ANP32B: variants seen among roughly 807,000 people sequenced by gnomAD.
ANP32B encodes acidic nuclear phosphoprotein 32 family member B, also known as acidic leucine-rich nuclear phosphoprotein 32 family member B.
Under a neutral mutation model 32.2 loss-of-function variants are expected in ANP32B, and 6 were observed. The ratio of observed to expected loss-of-function variants is 0.19; its 90% CI spans 0.10 to 0.37. The LOEUF (loss-of-function observed/expected upper bound fraction) is 0.37, where lower values mean the gene tolerates loss of function less well. ANP32B is among the 10% of genes least tolerant of loss of function. The pLI, the probability that ANP32B is intolerant of heterozygous loss-of-function variation, is 1.00. For synonymous variants in ANP32B, 98 were observed against 105.8 expected, an observed-to-expected ratio of 0.93 and a Z score of 0.45; for missense variants, 204 against 289.2, an observed-to-expected ratio of 0.71 and a Z score of 2.14.
At chr9:97,997,461 G>C (rs1411702667) in intron 2 of ANP32B, among the ~76,000 whole-genome samples, 2 of 152,068 alleles carry the variant, frequency 1.3e-5, no homozygotes, top group African/African-American at 4.8e-5. Context: ...TGCTATTCTA[G>C]GTACGTAGCA....
At chr9:97,995,930 T>TAAA (rs570340593) in intron 2 of ANP32B, among the ~76,000 whole-genome samples, 2 of 116,658 alleles carry the variant, frequency 1.7e-5, no homozygotes, top group South Asian at 2.7e-4. Context: ...TGTCTCGATT[T>TAAA]AAAAAAAAAA....
intron 4 of ANP32B, among the ~76,000 whole-genome samples, chr9:98,009,508 T>G (rs1427779518): frequency 6.6e-6 from 1 of 152,232 alleles, no homozygotes; most frequent in Non-Finnish European, 1.5e-5. Flanking sequence ...CGGTTCCACC[T>G]TAGATCAGGC....
At chr9:97,985,385 C>T (rs567373186) in intron 1 of ANP32B, among the ~76,000 whole-genome samples, 4 of 152,106 alleles carry the variant, frequency 2.6e-5, no homozygotes, top group Non-Finnish European at 5.9e-5. Context: ...GAGGGTGGGC[C>T]GCTCCGGGGG....
chr9:98,011,199 A>C, intron 4 of ANP32B, 72 bp from the exon 5 acceptor site: 1 of 1,507,146 alleles, frequency 6.6e-7, no homozygotes. Context: ...GAGCCAGCCC[A>C]CAGATCCTCA....
intron 4 of ANP32B, among the ~76,000 whole-genome samples, chr9:98,006,663 G>T (rs1828088412): frequency 6.6e-6 from 1 of 152,126 alleles, no homozygotes; most frequent in Non-Finnish European, 1.5e-5. Flanking sequence ...ATAATATGTG[G>T]CAACAAGCTA....
rs541028935 is a variant in ANP32B at position 97,983,759 on chromosome 9, G to T, written c.54+150G>T. ...GACGGGGAAGGCGGGCGGGCGCGGA[G>T]GGGGGAGCGAGCGCGCGAGGATTAA... On this transcript the variant is annotated intron_variant, in intron 1 of 6. Coordinates refer to ENST00000339399, the MANE Select transcript of ANP32B (RefSeq NM_006401.3). The T allele has an allele frequency of 4.4e-4, 240 of 539,430 alleles. 2 individuals carry two copies. The highest frequency in any genetic ancestry group is 1.3e-3 in the East Asian group (37 of 28,188). The allele number at this position is 539,430 out of a possible 1,614,324, so 33.4% of individuals were successfully genotyped here. A position where few individuals can be genotyped will look rare whatever the true frequency, so the allele number is the denominator to read the frequency against.
At chr9:97,994,824 A>G in intron 2 of ANP32B, 44 bp downstream of exon 2, 1 of 1,542,312 alleles carries the variant, frequency 6.5e-7, no homozygotes, top group South Asian at 1.2e-5. Context: ...GATCCTGGGA[A>G]GGGAAAATGT....
At chr9:97,993,580 G>T (rs1347469113) in intron 1 of ANP32B, among the ~76,000 whole-genome samples, 1 of 152,180 alleles carries the variant, frequency 6.6e-6, no homozygotes, top group Non-Finnish European at 1.5e-5. Context: ...ATGGATTATT[G>T]TGGTGGATCT....
chr9:98,000,002 C>A (rs928540490), intron 3 of ANP32B, among the ~76,000 whole-genome samples: 1 of 152,182 alleles, frequency 6.6e-6, no homozygotes, highest in Non-Finnish European at 1.5e-5. Context: ...TCTGTTGATA[C>A]TTGAGGGGAA....
At chr9:98,006,233 A>G (rs915965350) in intron 4 of ANP32B, among the ~76,000 whole-genome samples, 5 of 152,186 alleles carry the variant, frequency 3.3e-5, no homozygotes, top group Non-Finnish European at 4.4e-5. Context: ...ATCAACCCCT[A>G]TCTGTGAGTG....
Position 98,011,259 on chromosome 9 carries a change from G to C in ANP32B, c.518-12G>C. The C allele has an allele frequency of 6.4e-7, 1 of 1,551,240 alleles. No individual in the cohort carries two copies. Among genetic ancestry groups the C allele is most frequent in the Non-Finnish European group, 8.7e-7 (1 of 1,146,774 alleles). On this transcript the variant is annotated splice_polypyrimidine_tract_variant and intron_variant, in intron 4 of 6. Transcript: ENST00000339399. The stretch of plus-strand genomic sequence containing the variant: ...GAGGATATTTAATGAATCCCTTTTG[G>C]ACTATTTTTAGAAGGAGAAGATGAG...
chr9:98,010,213 G>A (rs564927648), intron 4 of ANP32B, among the ~76,000 whole-genome samples: 10 of 149,812 alleles, frequency 6.7e-5, no homozygotes, highest in African/African-American at 2.0e-4. Context: ...AAAAAAAAAG[G>A]AACAAAAAAA....
chr9:98,007,592 T>A (rs1324999135), intron 4 of ANP32B, among the ~76,000 whole-genome samples: 1 of 152,194 alleles, frequency 6.6e-6, no homozygotes, highest in Non-Finnish European at 1.5e-5. Flanking sequence ...CGATTACATA[T>A]CAGGAAAACT....
At chr9:97,985,422 C>T (rs1001543015) in intron 1 of ANP32B, among the ~76,000 whole-genome samples, 9 of 152,284 alleles carry the variant, frequency 5.9e-5, no homozygotes, top group African/African-American at 2.2e-4. Flanking sequence ...CGCGGGCGTG[C>T]GTTCTTCCGA....
chr9:98,006,275 T>TTA (rs1283514590), intron 4 of ANP32B, among the ~76,000 whole-genome samples: 1 of 152,184 alleles, frequency 6.6e-6, no homozygotes, highest in Non-Finnish European at 1.5e-5. Flanking sequence ...GTGGCAGGCT[T>TTA]TATAGTGGCA....
At chr9:98,014,646 G>A (rs896653851) in intron 6 of ANP32B, among the ~76,000 whole-genome samples, 2 of 152,144 alleles carry the variant, frequency 1.3e-5, no homozygotes, top group Non-Finnish European at 2.9e-5. Flanking sequence ...TTTAAAGTCA[G>A]TACCATTGTC....
intron 1 of ANP32B, among the ~76,000 whole-genome samples, chr9:97,991,528 A>C (rs1827825242): frequency 6.6e-6 from 1 of 152,218 alleles, no homozygotes; most frequent in Non-Finnish European, 1.5e-5. Context: ...AAAAAATAGA[A>C]GATATCCTCA....
chr9:98,003,860 A>G (rs1268952029), intron 3 of ANP32B, among the ~76,000 whole-genome samples: 1 of 152,158 alleles, frequency 6.6e-6, no homozygotes, highest in East Asian at 1.9e-4. Context: ...TGTGTTTATG[A>G]AGCTATCCAG....
intron 1 of ANP32B, among the ~76,000 whole-genome samples, chr9:97,989,169 G>A (rs117030920): frequency 0.022 from 3,319 of 152,220 alleles, 88 homozygotes; most frequent in Non-Finnish European, 0.028. Context: ...GGACCTCATA[G>A]GCATTTTGCC....
Sources: allele counts gnomAD v4.1 joint callset (sites outside exome capture counted in the v4.1 genomes callset), GRCh38; gene constraint gnomAD v4.1.1; transcripts MANE v1.5; gene names NCBI Gene and HGNC (gene_info 2026-07-23, HGNC 2026-07-21).